The following PTPRN2 variants were observed in gnomAD, a reference collection of about 807,000 sequenced individuals.
PTPRN2 encodes protein tyrosine phosphatase receptor type N2.
PTPRN2 carries 74 observed loss-of-function variants against 118.8 expected under a neutral mutation model. The observed-to-expected ratio is 0.62, with a 90% CI of 0.52 to 0.76. The LOEUF (loss-of-function observed/expected upper bound fraction) is 0.76, where lower values mean the gene tolerates loss of function less well. Among genes scored for constraint, PTPRN2 ranks in the 30% least tolerant of loss-of-function variants. The pLI is 0.00. For synonymous variants in PTPRN2, 641 were observed against 608.0 expected (o/e 1.05, Z -0.80); for missense variants, 1,481 against 1,394.4 (o/e 1.06, Z -0.99).
intron 3 of PTPRN2, among the ~76,000 whole-genome samples, chr7:158,208,424 A>C (rs1490969660): frequency 6.6e-6 from 1 of 152,182 alleles, no homozygotes; most frequent in Non-Finnish European, 1.5e-5. Context: ...CAAACAAACA[A>C]AAATACAATG....
intron 11 of PTPRN2, among the ~76,000 whole-genome samples, chr7:157,941,108 A>T (rs146613391): frequency 0.12 from 3,617 of 30,986 alleles, 785 homozygotes; most frequent in African/African-American, 0.34. Flanking sequence ...TGCAAATCTA[A>T]CACCCTCCCC....
chr7:158,150,360 G>T (rs1820848796), intron 6 of PTPRN2, among the ~76,000 whole-genome samples: 1 of 152,226 alleles, frequency 6.6e-6, no homozygotes, highest in African/African-American at 2.4e-5. Context: ...GGCTCACCAA[G>T]GGTGTACCCC....
intron 12 of PTPRN2, among the ~76,000 whole-genome samples, chr7:157,820,983 G>C (rs934218518): frequency 1.3e-4 from 20 of 152,324 alleles, no homozygotes; most frequent in African/African-American, 4.3e-4. Flanking sequence ...CACGCTGGAG[G>C]GGAGGCAAGA....
At chr7:158,538,084 C>A (rs1158958813) in intron 1 of PTPRN2, among the ~76,000 whole-genome samples, 2 of 152,228 alleles carry the variant, frequency 1.3e-5, no homozygotes, top group African/African-American at 4.8e-5. Flanking sequence ...TAGACCACCA[C>A]AGGGACAGAG....
intron 6 of PTPRN2, among the ~76,000 whole-genome samples, chr7:158,140,830 G>C (rs545848613): frequency 6.6e-6 from 1 of 152,352 alleles, no homozygotes; most frequent in African/African-American, 2.4e-5. Flanking sequence ...CAGCAATAAA[G>C]ACTCTGCCCT....
intron 12 of PTPRN2, among the ~76,000 whole-genome samples, chr7:157,806,373 T>C (rs1199297138): frequency 6.6e-6 from 1 of 152,242 alleles, no homozygotes; most frequent in Non-Finnish European, 1.5e-5. Context: ...TCTACATATG[T>C]ATTCATGCAT....
intron 11 of PTPRN2, among the ~76,000 whole-genome samples, chr7:158,071,553 G>A (rs1563391904): frequency 3.6e-5 from 3 of 84,268 alleles, no homozygotes; most frequent in African/African-American, 9.0e-5. Flanking sequence ...GGTGCTCCTG[G>A]TGGTGGAGGT....
chr7:158,230,462 A>G (rs991403426), intron 3 of PTPRN2, among the ~76,000 whole-genome samples: 10 of 152,200 alleles, frequency 6.6e-5, no homozygotes, highest in African/African-American at 2.4e-4. Context: ...ACCTATTAAG[A>G]GATAGGCAGC....
chr7:157,685,154 C>T (rs1554522786), intron 12 of PTPRN2, among the ~76,000 whole-genome samples: 1 of 152,008 alleles, frequency 6.6e-6, no homozygotes, highest in Non-Finnish European at 1.5e-5. Flanking sequence ...AAGGAAGCGG[C>T]GCGACCGGCG....
At chr7:158,164,747 T>G (rs1314911311) in intron 6 of PTPRN2, among the ~76,000 whole-genome samples, 5 of 151,968 alleles carry the variant, frequency 3.3e-5, no homozygotes, top group African/African-American at 1.2e-4. Flanking sequence ...AAAGGGAGGT[T>G]AGAGAAGGAA....
chr7:157,996,214 G>A (rs1194000035), intron 11 of PTPRN2, among the ~76,000 whole-genome samples: 1 of 152,228 alleles, frequency 6.6e-6, no homozygotes, highest in African/African-American at 2.4e-5. Context: ...ACACATTTAA[G>A]TGGGAGCCAA....
intron 11 of PTPRN2, among the ~76,000 whole-genome samples, chr7:158,006,667 G>A (rs1315915079): frequency 2.6e-5 from 4 of 152,218 alleles, no homozygotes; most frequent in African/African-American, 9.6e-5. Flanking sequence ...CCAGGGCTTG[G>A]GAGCCACCTG....
At chr7:158,377,082 C>G (rs1417960467) in intron 2 of PTPRN2, among the ~76,000 whole-genome samples, 50 of 77,510 alleles carry the variant, frequency 6.5e-4, no homozygotes, top group African/African-American at 2.7e-3. Flanking sequence ...AGGGGACTCC[C>G]CCACAGCCCT....
chr7:157,953,465 C>T lies in PTPRN2; in HGVS notation c.1724-54728G>A, dbSNP rs576609113. On this transcript the variant is annotated intron_variant, in intron 11 of 22. Transcript: ENST00000389418. The surrounding 1 kb of genome is among the most constrained non-coding windows in gnomAD (Gnocchi z 4.6). Reference sequence around the variant, plus strand: ...TCCTCCCAGGATACAGCGGAGTGCCCGTCACCACCTGCCCACCTTCTTCAC... The same window carrying T: ...TCCTCCCAGGATACAGCGGAGTGCCTGTCACCACCTGCCCACCTTCTTCAC... Among the ~76,000 whole-genome samples the T allele has an allele frequency of 1.1e-4, 16 of 152,142 alleles. No individual in the cohort carries two copies. The highest frequency in any genetic ancestry group is 3.4e-3 in the Middle Eastern group (1 of 294).
At chr7:157,909,688 T>G (rs1157271172) in intron 11 of PTPRN2, among the ~76,000 whole-genome samples, 1 of 152,250 alleles carries the variant, frequency 6.6e-6, no homozygotes, top group East Asian at 1.9e-4. Flanking sequence ...TCACCCAACA[T>G]CGGGCCCTCA....
intron 1 of PTPRN2, among the ~76,000 whole-genome samples, chr7:158,583,917 T>C (rs547709246): frequency 1.3e-5 from 2 of 152,322 alleles, no homozygotes; most frequent in Admixed American, 1.3e-4. Flanking sequence ...GATAGATTTG[T>C]GCTTTTGTGG....
At chr7:157,643,304 T>C (rs1452947075) in intron 14 of PTPRN2, among the ~76,000 whole-genome samples, 1 of 152,150 alleles carries the variant, frequency 6.6e-6, no homozygotes, top group African/African-American at 2.4e-5. Context: ...TTGGAGAGAC[T>C]GAAAAATAAA....
At chr7:157,978,007 G>A (rs781283383) in intron 11 of PTPRN2, among the ~76,000 whole-genome samples, 10 of 151,920 alleles carry the variant, frequency 6.6e-5, no homozygotes, top group African/African-American at 1.2e-4. Flanking sequence ...CCTGTACGTC[G>A]CATGCACATC....
In PTPRN2 at chr7:158,190,047, G is replaced by A. The variant is rs558028318; in HGVS notation, c.549+2280C>T. Among the ~76,000 whole-genome samples, 11 of 152,360 alleles carry A rather than the reference G, an allele frequency of 7.2e-5. No individual in the cohort carries two copies. The South Asian group carries it at 2.1e-3, about 29-fold the overall frequency. Reference sequence around the variant, plus strand: ...CATCAGAGTCGGAGACCTCCACTGAGCCTGGTTCAGACTCTCAACCTAATT... The same window carrying A: ...CATCAGAGTCGGAGACCTCCACTGAACCTGGTTCAGACTCTCAACCTAATT... On this transcript the variant is annotated intron_variant, in intron 5 of 22. Coordinates refer to ENST00000389418, the MANE Select transcript of PTPRN2 (RefSeq NM_002847.5).
Sources: allele counts gnomAD v4.1 joint callset (sites outside exome capture counted in the v4.1 genomes callset), GRCh38; gene constraint gnomAD v4.1.1; non-coding constraint Gnocchi (gnomAD v3.1); transcripts MANE v1.5; gene names NCBI Gene and HGNC (gene_info 2026-07-23, HGNC 2026-07-21).